Variants in SARDH observed in about 807,000 individuals in gnomAD.
The protein encoded by SARDH is sarcosine dehydrogenase, mitochondrial.
Under a neutral mutation model 109.1 loss-of-function variants are expected in SARDH, and 95 were observed. That is an observed-to-expected ratio of 0.87 (90% CI 0.74 to 1.03). The LOEUF (loss-of-function observed/expected upper bound fraction) is 1.03. Ranked by LOEUF, SARDH falls within the 50% of genes least tolerant of loss-of-function variation. SARDH has a pLI of 0.00. For missense variants in SARDH, 1,267 were observed against 1,287.8 expected (o/e 0.98, Z 0.25); for synonymous variants, 572 against 534.8 (o/e 1.07, Z -0.96).
chr9:133,670,842 C>T lies in SARDH; in HGVS notation c.2327-90G>A, dbSNP rs1156823141. The stretch of plus-strand genomic sequence containing the variant: ...TGAGGATGCTGCCTAAACCCACCCC[C>T]TCCAGCCCCTAGCCACACTCTCAGA... On this transcript the variant is annotated intron_variant, in intron 18 of 20. Coordinates refer to ENST00000439388, the MANE Select transcript of SARDH (RefSeq NM_001134707.2). 7.0e-6 allele frequency: 10 copies of T among 1,423,046 alleles called. No individual in the cohort carries two copies. The African/African-American group carries it at 1.3e-4, about 19-fold the overall frequency. The allele number at this position is 1,423,046 out of a possible 1,614,324, so 88.2% of individuals were successfully genotyped here. A position where few individuals can be genotyped will look rare whatever the true frequency, so the allele number is the denominator to read the frequency against.
At position 133,704,898 on chromosome 9, in the gene SARDH, G is replaced by T. The variant is rs1232579905; in HGVS notation, c.1554+50C>A. 2 of 1,498,638 alleles carry T rather than the reference G, an allele frequency of 1.3e-6. No homozygotes were observed. The highest frequency in any genetic ancestry group is 1.2e-5 in the South Asian group (1 of 83,292). 92.8% of individuals were successfully genotyped at this position (1,498,638 alleles called of 1,614,324 possible). Reference sequence around the variant, plus strand: ...ACGGGGCACGTGGAGGGGCAAGGGGGTTGTCAGGGCAGGGCCTCCCAGCAG... The same window carrying T: ...ACGGGGCACGTGGAGGGGCAAGGGGTTTGTCAGGGCAGGGCCTCCCAGCAG... On this transcript the variant is annotated intron_variant, in intron 12 of 20. Transcript: ENST00000439388. This position sits in a 1 kb window ranked among gnomAD's most constrained non-coding sequence, Gnocchi z 4.5.
At chr9:133,660,666 G>A (rs1321001469), downstream of SARDH, among the ~76,000 whole-genome samples, 1 of 152,154 alleles carries the variant, frequency 6.6e-6, no homozygotes, top group South Asian at 2.1e-4. Context: ...CCACCGAGGA[G>A]AGGGTTCCCC....
Position 133,733,925 on chromosome 9 carries a change from G to T in SARDH, c.249C>A (p.Tyr83Ter). The T allele has an allele frequency of 4.4e-6, 7 of 1,586,664 alleles. No homozygotes were observed. The highest frequency in any genetic ancestry group is 1.2e-5 in the South Asian group (1 of 86,492). ...CACTCATGCCCAGCTTGGCCAGGTG[G>T]TACAGGGTCTGGCAGCCCAAGCTGC... ...GGGSLGCQTL[Y>*]HLAKLGMSGA... The change falls in exon 2 of 21, where the codon TAC (tyrosine) becomes TAA (stop). Residue 83 changes from tyrosine to a stop codon, truncating the protein, a stop_gained. Coordinates refer to ENST00000439388, the MANE Select transcript of SARDH (RefSeq NM_001134707.2). LOFTEE classifies it high-confidence loss of function.
chr9:133,731,936 A>C (rs542379235), intron 3 of SARDH, among the ~76,000 whole-genome samples: 1 of 152,254 alleles, frequency 6.6e-6, no homozygotes, highest in South Asian at 2.1e-4. Flanking sequence ...TCAGACTGTC[A>C]GATAGACCAC....
At chr9:133,710,247 G>A (rs1057384375) in intron 10 of SARDH, among the ~76,000 whole-genome samples, 2 of 152,196 alleles carry the variant, frequency 1.3e-5, no homozygotes, top group East Asian at 1.9e-4. Context: ...CATTTTCCAG[G>A]TGGCGAAACT....
In SARDH at chr9:133,693,502, GC is replaced by G. The variant is rs1831174414; in HGVS notation, c.1921+755del. Among the ~76,000 whole-genome samples, 1 of 152,236 alleles carries G rather than the reference GC, an allele frequency of 6.6e-6. No individual in the cohort carries two copies. The highest frequency in any genetic ancestry group is 2.1e-4 in the South Asian group (1 of 4,834). On this transcript the variant is annotated intron_variant, in intron 15 of 20. Coordinates refer to ENST00000439388, the MANE Select transcript of SARDH (RefSeq NM_001134707.2). This position sits in a 1 kb window ranked among gnomAD's most constrained non-coding sequence, Gnocchi z 5.6. ...CCCTGCCCCGGGGACAGCACAGAGA[GC>G]TGCACGGTCAGCACCTTCCCCTGTG...
At chr9:133,688,312 G>A (rs1010652586) in intron 16 of SARDH, among the ~76,000 whole-genome samples, 1 of 152,140 alleles carries the variant, frequency 6.6e-6, no homozygotes, top group Non-Finnish European at 1.5e-5. Context: ...CATCATGCAC[G>A]CGGAAGCTGT....
Position 133,663,842 on chromosome 9 carries a change from T to C in SARDH, c.*47A>G, listed in dbSNP as rs777275230. On this transcript the variant is annotated 3_prime_UTR_variant, in exon 21 of 21. Coordinates refer to ENST00000439388, the MANE Select transcript of SARDH (RefSeq NM_001134707.2). The stretch of plus-strand genomic sequence containing the variant: ...CTGGGACCCAGGGCCATTTGGGACC[T>C]GTGAGAATGGATGGACAGCATGGGA... 3.0e-5 allele frequency: 48 copies of C among 1,608,994 alleles called. No homozygotes were observed. The highest frequency in any genetic ancestry group is 6.7e-5 in the African/African-American group (5 of 74,886).
Position 133,734,203 on chromosome 9 carries a change from G to A in SARDH, c.-30C>T, listed in dbSNP as rs372869811. ...GCTCCAGGCCTCAGCGAAACAGGGAGCTGGGGAGAGAATCAGAGCTGGGTG... is the reference window on the plus strand; with the variant it reads ...GCTCCAGGCCTCAGCGAAACAGGGAACTGGGGAGAGAATCAGAGCTGGGTG... On this transcript the variant is annotated splice_region_variant and 5_prime_UTR_variant, in exon 2 of 21. Coordinates refer to ENST00000439388, the MANE Select transcript of SARDH (RefSeq NM_001134707.2). The A allele has an allele frequency of 4.5e-5, 67 of 1,505,236 alleles. No homozygotes were observed. The African/African-American group carries it at 8.8e-4, about 20-fold the overall frequency. 93.2% of individuals were successfully genotyped at this position (1,505,236 alleles called of 1,614,324 possible). A position where few individuals can be genotyped will look rare whatever the true frequency, so the allele number is the denominator to read the frequency against.
chr9:133,664,889 C>A (rs1210925300), intron 20 of SARDH, among the ~76,000 whole-genome samples: 1 of 152,194 alleles, frequency 6.6e-6, no homozygotes, highest in East Asian at 1.9e-4. Context: ...CTTCAGATGT[C>A]CACGGGCATG....
At chr9:133,664,092 G>A in intron 20 of SARDH, 78 bp from the exon 21 acceptor site, 4 of 1,556,772 alleles carry the variant, frequency 2.6e-6, no homozygotes, top group Non-Finnish European at 2.6e-6. Flanking sequence ...CTCTGGAGGA[G>A]GGGGTCTTGG....
chr9:133,662,098 AGG>A (rs963511771), downstream of SARDH, among the ~76,000 whole-genome samples: 133 of 151,718 alleles, frequency 8.8e-4, 8 homozygotes, highest in Non-Finnish European at 4.4e-5. This position sits in a 1 kb window ranked among gnomAD's most constrained non-coding sequence, Gnocchi z 5.1. Flanking sequence ...GCCCTCCCCG[AGG>A]GGCCAGGTTC....
Position 133,705,016 on chromosome 9 carries a change from CT to C in SARDH, c.1485del (p.Gly496AlafsTer126). The C allele has an allele frequency of 6.3e-7, 1 of 1,592,164 alleles. No individual in the cohort carries two copies. Among genetic ancestry groups the C allele is most frequent in the Non-Finnish European group, 8.5e-7 (1 of 1,170,330 alleles). ...RDPLHEELLG[Q>X]GCVFQERHGW... ...CCATGCCGCTCCTGGAACACGCAGCCTTGTCCAAGGAGTTCCTGAGCAGGAG... is the reference window on the plus strand; with the variant it reads ...CCATGCCGCTCCTGGAACACGCAGCCTGTCCAAGGAGTTCCTGAGCAGGAG... On this transcript the variant is annotated frameshift_variant, in exon 12 of 21. Transcript: ENST00000439388. LOFTEE classifies it high-confidence loss of function.
intron 1 of SARDH, among the ~76,000 whole-genome samples, chr9:133,736,250 C>T (rs912536241): frequency 6.6e-6 from 1 of 152,206 alleles, no homozygotes; most frequent in African/African-American, 2.4e-5. Flanking sequence ...GGAGCAGCCC[C>T]CCGCCTGGAA....
intron 19 of SARDH, among the ~76,000 whole-genome samples, chr9:133,667,881 G>A (rs965818660): frequency 6.6e-6 from 1 of 152,138 alleles, no homozygotes; most frequent in Non-Finnish European, 1.5e-5. Context: ...CCAACTGCCC[G>A]GAGTCCCAGA....
chr9:133,706,734 C>A (rs1831708595), intron 11 of SARDH, among the ~76,000 whole-genome samples: 1 of 152,202 alleles, frequency 6.6e-6, no homozygotes, highest in Non-Finnish European at 1.5e-5. Context: ...TGGAAGGGCC[C>A]TACCCAGGGG....
At chr9:133,670,386 G>A (rs1405814289) in intron 19 of SARDH, among the ~76,000 whole-genome samples, 198 bp downstream of exon 19, 2 of 151,182 alleles carry the variant, frequency 1.3e-5, no homozygotes, top group South Asian at 4.2e-4. Flanking sequence ...TTAACAACAT[G>A]TGACCTGGCC....
rs1204819562 is a variant in SARDH at position 133,692,106 on chromosome 9, G to A, written c.1922-1579C>T. On this transcript the variant is annotated intron_variant, in intron 15 of 20. Coordinates refer to ENST00000439388, the MANE Select transcript of SARDH (RefSeq NM_001134707.2). This position sits in a 1 kb window ranked among gnomAD's most constrained non-coding sequence, Gnocchi z 5.0. ...CCAGCCAGGGAAACTGAGGCTCAGGGAGGCTGCTCCCCAGCCCTCCCAGCA... is the reference window on the plus strand; with the variant it reads ...CCAGCCAGGGAAACTGAGGCTCAGGAAGGCTGCTCCCCAGCCCTCCCAGCA... Among the ~76,000 whole-genome samples, 1 of 152,126 alleles carries A rather than the reference G, an allele frequency of 6.6e-6. No individual in the cohort carries two copies. The highest frequency in any genetic ancestry group is 2.4e-5 in the African/African-American group (1 of 41,418).
At chr9:133,719,354 G>C (rs1306713581) in intron 6 of SARDH, among the ~76,000 whole-genome samples, 1 of 152,222 alleles carries the variant, frequency 6.6e-6, no homozygotes, top group South Asian at 2.1e-4. Flanking sequence ...CGACAAAGAT[G>C]AGAGAACAGG....
Sources: allele counts gnomAD v4.1 joint callset (sites outside exome capture counted in the v4.1 genomes callset), GRCh38; gene constraint gnomAD v4.1.1; non-coding constraint Gnocchi (gnomAD v3.1); transcripts MANE v1.5; gene names NCBI Gene and HGNC (gene_info 2026-07-23, HGNC 2026-07-21).